BBOF1: variants seen among roughly 807,000 people sequenced by gnomAD.
The protein encoded by BBOF1 is basal body-orientation factor 1.
BBOF1 carries 62 observed loss-of-function variants against 68.0 expected under a neutral mutation model. That is an observed-to-expected ratio of 0.91 (90% CI 0.74 to 1.13). The LOEUF (loss-of-function observed/expected upper bound fraction) is 1.13. BBOF1 is among the 50% of genes most tolerant of loss of function. BBOF1 has a pLI of 0.00. For synonymous variants in BBOF1, 208 were observed against 198.8 expected (o/e 1.05, Z -0.39); for missense variants, 534 against 600.1 (o/e 0.89, Z 1.15).
chr14:74,057,929 A>G (rs980439021), intron 11 of BBOF1: 1 of 989,872 alleles, frequency 1.0e-6, no homozygotes, highest in African/African-American at 1.8e-5. Flanking sequence ...CCTTAAATAT[A>G]AGGAAAATGT....
intron 1 of BBOF1, 129 bp downstream of exon 1, chr14:74,019,663 G>C: frequency 6.9e-7 from 1 of 1,446,962 alleles, no homozygotes. Flanking sequence ...GGCTTGTGAG[G>C]ATTACAGCTC....
chr14:74,061,278 CTATTATATAG>C (rs1451123714), intron 11 of BBOF1, among the ~76,000 whole-genome samples: 1 of 150,336 alleles, frequency 6.7e-6, no homozygotes, highest in Non-Finnish European at 1.5e-5. Context: ...GTGCCCCCAG[CTATTATATAG>C]TAGGCCATTT....
At chr14:74,071,608 A>AGG in intron 9 of BBOF1, 1 of 1,590,008 alleles carries the variant, frequency 6.3e-7, no homozygotes, top group Admixed American at 1.8e-5. Context: ...GAAGGGGTGC[A>AGG]GGGTACACTG....
chr14:74,024,852 CTTAGCCTCCCAAA>C (rs1217343418), intron 2 of BBOF1, among the ~76,000 whole-genome samples: 15 of 152,270 alleles, frequency 9.9e-5, no homozygotes, highest in African/African-American at 3.6e-4. Context: ...ATCCTCCCAA[CTTAGCCTCCCAAA>C]GTGCTGACAT....
At chr14:74,077,748 G>A (rs1410929280) in intron 9 of BBOF1, among the ~76,000 whole-genome samples, 1 of 152,048 alleles carries the variant, frequency 6.6e-6, no homozygotes, top group African/African-American at 2.4e-5. Flanking sequence ...CATGAGTTTT[G>A]GTGGAGACAA....
At chr14:74,072,506 T>A (rs752886520) in intron 9 of BBOF1, 1 of 1,614,088 alleles carries the variant, frequency 6.2e-7, no homozygotes, top group Non-Finnish European at 8.5e-7. Flanking sequence ...TCTAGGCTCA[T>A]AAGTTGAAGT....
At chr14:74,029,425 G>A (rs1002676638) in intron 3 of BBOF1, among the ~76,000 whole-genome samples, 176 bp downstream of exon 3, 4 of 152,126 alleles carry the variant, frequency 2.6e-5, no homozygotes, top group Non-Finnish European at 5.9e-5. Flanking sequence ...GCTCATGCCT[G>A]TAATCCCAAC....
chr14:74,046,112 C>G lies in BBOF1; in HGVS notation c.629C>G (p.Ala210Gly). 1 of 1,607,662 alleles carries G rather than the reference C, an allele frequency of 6.2e-7. No homozygotes were observed. The change falls in exon 6 of 12, where the codon GCC (alanine) becomes GGC (glycine). Residue 210 changes from alanine to glycine, a missense_variant. Coordinates refer to ENST00000394009, the MANE Select transcript of BBOF1 (RefSeq NM_025057.3). ...AAGATAATAATGCTAGCAGAGAGAGCCCACCATGAGGCTATTGTGTAAGAG... is the reference window on the plus strand; with the variant it reads ...AAGATAATAATGCTAGCAGAGAGAGGCCACCATGAGGCTATTGTGTAAGAG... ...EKKIIMLAER[A>G]HHEAIVQLND...
At chr14:74,038,443 A>G (rs2059759049) in intron 4 of BBOF1, among the ~76,000 whole-genome samples, 2 of 152,178 alleles carry the variant, frequency 1.3e-5, no homozygotes, top group African/African-American at 4.8e-5. Context: ...CTAGTGGAGA[A>G]ATAGATTTCA....
At chr14:74,023,439 A>G (rs1419617682) in intron 2 of BBOF1, among the ~76,000 whole-genome samples, 1 of 152,136 alleles carries the variant, frequency 6.6e-6, no homozygotes, top group Non-Finnish European at 1.5e-5. Context: ...ATGGTATGTG[A>G]TCTATATATT....
In BBOF1 at chr14:74,065,453, TAC is replaced by T; in HGVS notation, c.*755_*756del. On this transcript the variant is annotated 3_prime_UTR_variant, in exon 12 of 12. Coordinates refer to ENST00000394009, the MANE Select transcript of BBOF1 (RefSeq NM_025057.3). ...GTACTTTCACTTACTACACATCATTTACGTGGACAACTTTCATATTACTAATC... is the reference window on the plus strand; with the variant it reads ...GTACTTTCACTTACTACACATCATTTGTGGACAACTTTCATATTACTAATC... The T allele has an allele frequency of 8.8e-7, 1 of 1,142,158 alleles. No individual in the cohort carries two copies. The highest frequency in any genetic ancestry group is 1.3e-5 in the South Asian group (1 of 76,464). 70.8% of individuals were successfully genotyped at this position (1,142,158 alleles called of 1,614,324 possible). A position where few individuals can be genotyped will look rare whatever the true frequency, so the allele number is the denominator to read the frequency against.
At position 74,019,371 on chromosome 14, in the gene BBOF1, C is replaced by T. The variant is rs1330114382; in HGVS notation, c.-108C>T. 6.5e-6 allele frequency: 9 copies of T among 1,380,532 alleles called. No individual in the cohort carries two copies. Among genetic ancestry groups the T allele is most frequent in the Non-Finnish European group, 8.5e-6 (9 of 1,057,666 alleles). The allele number at this position is 1,380,532 out of a possible 1,614,324, so 85.5% of individuals were successfully genotyped here. ...TGCGCTCTCCGCGCGCCGTCAGCGG[C>T]GCGGGTGGGGCATTGCCAGCTCGGC... On this transcript the variant is annotated 5_prime_UTR_variant, in exon 1 of 12. Transcript: ENST00000394009.
In BBOF1 at chr14:74,055,517, A is replaced by T. The variant is rs1393048138; in HGVS notation, c.1287-67A>T. ...TATGTTTACCCATTATATATTTTTT[A>T]AAAAGAAGAGAAGCCTATTTGACCG... On this transcript the variant is annotated intron_variant, in intron 8 of 11. Transcript: ENST00000394009. The T allele has an allele frequency of 3.9e-6, 4 of 1,021,846 alleles. No homozygotes were observed. In the East Asian group the frequency reaches 9.6e-5, roughly 24 times the overall value. The allele number at this position is 1,021,846 out of a possible 1,614,324, so 63.3% of individuals were successfully genotyped here.
intron 4 of BBOF1, 112 bp downstream of exon 4, chr14:74,034,283 T>C: frequency 3.0e-6 from 2 of 677,356 alleles, no homozygotes; most frequent in Non-Finnish European, 4.4e-6. Context: ...CTCTTTGACA[T>C]TTTAGAAATT....
rs747246641 is a variant in BBOF1, at chr14:74,034,077, A to G, written c.401A>G (p.Gln134Arg). Residue 134 changes from glutamine (Q) to arginine (R), a missense_variant, in exon 4 of 12, where the codon CAA becomes CGA. Coordinates refer to ENST00000394009, the MANE Select transcript of BBOF1 (RefSeq NM_025057.3). The stretch of plus-strand genomic sequence containing the variant: ...AATGAACTAGAGGGACAGTTCCATC[A>G]AAAAGCCAAAGAAATTGGCATGATT... ...QINELEGQFH[Q>R]KAKEIGMIHT... is the part of the protein sequence containing the mutation. 65 of 1,608,738 alleles carry G rather than the reference A, an allele frequency of 4.0e-5. No homozygotes were observed. Among genetic ancestry groups the G allele is most frequent in the Non-Finnish European group, 5.5e-5 (65 of 1,177,874 alleles).
chr14:74,078,611 TCCA>T (rs1196343931), intron 10 of BBOF1, among the ~76,000 whole-genome samples: 8 of 152,312 alleles, frequency 5.3e-5, no homozygotes. Context: ...CACTGCAACC[TCCA>T]CCTCCCGGGT....
chr14:74,043,700 T>A (rs1328629927), intron 5 of BBOF1, among the ~76,000 whole-genome samples: 1 of 150,470 alleles, frequency 6.6e-6, no homozygotes, highest in Non-Finnish European at 1.5e-5. Context: ...GAGTAGCTAA[T>A]TTTTGTATTT....
At chr14:74,066,836 C>T (rs1243224225), downstream of BBOF1, 8 of 1,613,992 alleles carry the variant, frequency 5.0e-6, no homozygotes, top group Non-Finnish European at 6.8e-6. Context: ...CAGACTCGCT[C>T]TTTGGCCTGG....
At chr14:74,026,402 AT>A (rs1358484594) in intron 2 of BBOF1, among the ~76,000 whole-genome samples, 1 of 126,370 alleles carries the variant, frequency 7.9e-6, no homozygotes, top group East Asian at 2.5e-4. Context: ...AGATCATGCC[AT>A]TTTGCACTCC....
Sources: allele counts gnomAD v4.1 joint callset (sites outside exome capture counted in the v4.1 genomes callset), GRCh38; gene constraint gnomAD v4.1.1; transcripts MANE v1.5; gene names NCBI Gene and HGNC (gene_info 2026-07-23, HGNC 2026-07-21).